DAPP1: variants seen among roughly 807,000 people sequenced by gnomAD.
DAPP1 encodes the protein dual adaptor of phosphotyrosine and 3-phosphoinositides 1.
Under a neutral mutation model 41.5 loss-of-function variants are expected in DAPP1, and 20 were observed. The ratio of observed to expected loss-of-function variants is 0.48; its 90% confidence interval spans 0.34 to 0.70. DAPP1 has a LOEUF of 0.70. Among genes scored for constraint, DAPP1 ranks in the 30% least tolerant of loss-of-function variants. The pLI is 0.01. For missense variants in DAPP1, 233 were observed against 333.4 expected (o/e 0.70, Z 2.35); for synonymous variants, 113 against 116.2 (o/e 0.97, Z 0.18).
chr4:99,834,705 G>C (rs1723236104), intron 1 of DAPP1, among the ~76,000 whole-genome samples: 1 of 152,178 alleles, frequency 6.6e-6, no homozygotes, highest in South Asian at 2.1e-4. Flanking sequence ...AACCAATTCT[G>C]ATTACAAAGC....
chr4:99,825,298 C>A (rs1169486800), intron 1 of DAPP1, among the ~76,000 whole-genome samples: 1 of 152,118 alleles, frequency 6.6e-6, no homozygotes, highest in Non-Finnish European at 1.5e-5. Flanking sequence ...CTCTGAGTCT[C>A]CATGTCTGTC....
At chr4:99,835,884 G>C in intron 2 of DAPP1, 139 bp downstream of exon 2, 3 of 1,136,094 alleles carry the variant, frequency 2.6e-6, no homozygotes, top group Admixed American at 5.7e-5. Flanking sequence ...AACTCTAAAT[G>C]ATGAGGGTGT....
intron 4 of DAPP1, among the ~76,000 whole-genome samples, chr4:99,856,159 T>C (rs1338981306): frequency 1.3e-5 from 2 of 152,188 alleles, no homozygotes; most frequent in African/African-American, 4.8e-5. Context: ...AGTTTGGCAG[T>C]AATTTTGACA....
At chr4:99,832,480 C>T (rs1723159497) in intron 1 of DAPP1, among the ~76,000 whole-genome samples, 1 of 152,110 alleles carries the variant, frequency 6.6e-6, no homozygotes, top group Admixed American at 6.5e-5. Flanking sequence ...CTTATTGCAC[C>T]ACTGACATCA....
chr4:99,839,396 A>C (rs1723419827), intron 2 of DAPP1, among the ~76,000 whole-genome samples: 1 of 148,654 alleles, frequency 6.7e-6, no homozygotes, highest in African/African-American at 2.4e-5. Flanking sequence ...TATATAGATT[A>C]GATATCTATA....
At chr4:99,839,122 G>A (rs984131006) in intron 2 of DAPP1, among the ~76,000 whole-genome samples, 1 of 152,162 alleles carries the variant, frequency 6.6e-6, no homozygotes, top group African/African-American at 2.4e-5. Flanking sequence ...CCCAGACCAG[G>A]TGTGTCACCT....
chr4:99,862,460 G>A (rs915275298), intron 5 of DAPP1, among the ~76,000 whole-genome samples: 3 of 152,140 alleles, frequency 2.0e-5, no homozygotes, highest in Non-Finnish European at 4.4e-5. Flanking sequence ...AATATCATGT[G>A]AGTCAGGGTT....
chr4:99,863,709 G>A (rs1275938657), intron 6 of DAPP1, 61 bp from the exon 7 acceptor site: 2 of 1,050,152 alleles, frequency 1.9e-6, no homozygotes, highest in African/African-American at 3.4e-5. Flanking sequence ...GTGAGGGACA[G>A]ATTTGTCTGT....
intron 2 of DAPP1, among the ~76,000 whole-genome samples, chr4:99,839,395 T>A (rs1723419701): frequency 6.7e-6 from 1 of 148,306 alleles, no homozygotes; most frequent in Admixed American, 6.8e-5. Context: ...ATATATAGAT[T>A]AGATATCTAT....
At position 99,863,854 on chromosome 4, in the gene DAPP1, T is replaced by C; in HGVS notation, c.685T>C (p.Cys229Arg). The C allele has an allele frequency of 1.9e-6, 3 of 1,576,570 alleles. No homozygotes were observed. The highest frequency in any genetic ancestry group is 2.6e-6 in the Non-Finnish European group (3 of 1,158,844). ...TTCACAAGAAAGGGTAAACTGTTTT[T>C]GGTAAGTTGTTTTATAAAGAAAACG... is the stretch of plus-strand genomic sequence containing the variant. The part of the protein sequence containing the change: ...DYSQERVNCF[C>R]LVFPFRTFYL... The change falls in exon 7 of 9, where the codon TGT (cysteine) becomes CGT (arginine). Residue 229 changes from cysteine to arginine, a missense_variant and splice_region_variant. Cys to Arg is a radical substitution (Grantham distance 180). Coordinates refer to ENST00000512369, the MANE Select transcript of DAPP1 (RefSeq NM_014395.3).
At chr4:99,819,814 G>A (rs1261654660) in intron 1 of DAPP1, among the ~76,000 whole-genome samples, 1 of 151,980 alleles carries the variant, frequency 6.6e-6, no homozygotes, top group African/African-American at 2.4e-5. Flanking sequence ...AGAAGTCTTT[G>A]TTCTTGGGCC....
At chr4:99,855,679 A>G (rs575102508) in intron 4 of DAPP1, among the ~76,000 whole-genome samples, 2 of 152,316 alleles carry the variant, frequency 1.3e-5, no homozygotes, top group Admixed American at 1.3e-4. Flanking sequence ...TCATTGGGGA[A>G]TCATTGGTGA....
chr4:99,852,139 A>G (rs11935458), intron 3 of DAPP1, among the ~76,000 whole-genome samples: 41,396 of 152,014 alleles, frequency 0.27, 6,180 homozygotes, highest in African/African-American at 0.39. Context: ...TACCTAGAAC[A>G]TAAGCTCGAT....
chr4:99,820,923 C>T (rs746953105), intron 1 of DAPP1, among the ~76,000 whole-genome samples: 3 of 152,210 alleles, frequency 2.0e-5, no homozygotes, highest in Admixed American at 1.3e-4. Flanking sequence ...CCAGTCCATA[C>T]TAAAACAGGT....
At chr4:99,861,147 A>G (rs147124003) in intron 4 of DAPP1, among the ~76,000 whole-genome samples, 10 of 152,358 alleles carry the variant, frequency 6.6e-5, no homozygotes, top group East Asian at 3.9e-4. Flanking sequence ...TTTACAAAGT[A>G]TATTAGCATA....
chr4:99,826,774 A>G (rs1717477299), intron 1 of DAPP1, among the ~76,000 whole-genome samples: 1 of 152,172 alleles, frequency 6.6e-6, no homozygotes, highest in Admixed American at 6.5e-5. Flanking sequence ...CTCACTGCCT[A>G]ATGAATCCTA....
chr4:99,851,534 GTTT>G (rs537614787), intron 3 of DAPP1, among the ~76,000 whole-genome samples: 204 of 77,758 alleles, frequency 2.6e-3, no homozygotes, highest in African/African-American at 9.6e-3. Flanking sequence ...GTTTTGTGTA[GTTT>G]TTTTTTTTTT....
chr4:99,822,870 C>T (rs940229373), intron 1 of DAPP1, among the ~76,000 whole-genome samples: 13 of 152,186 alleles, frequency 8.5e-5, no homozygotes, highest in African/African-American at 3.1e-4. Context: ...AGAGGCCTGC[C>T]TCTACCAAGA....
intron 7 of DAPP1, chr4:99,865,327 T>A (rs1321145846): frequency 6.6e-6 from 1 of 152,208 alleles, no homozygotes; most frequent in African/African-American, 2.4e-5. Context: ...CCTTATTGCT[T>A]ACATAATTTT....
Sources: gnomAD v4.1 joint callset for allele counts (sites outside exome capture counted in the v4.1 genomes callset) on GRCh38, gnomAD v4.1.1 for gene constraint, MANE v1.5 for transcripts, NCBI Gene and HGNC (gene_info 2026-07-23, HGNC 2026-07-21) for gene names.